Variants in TMEM131 observed in about 807,000 individuals in gnomAD.
The protein encoded by TMEM131 is 2610524E03Rik.
In TMEM131, 66 loss-of-function variants were observed where a neutral mutation model predicts 211.6. The ratio of observed to expected loss-of-function variants is 0.31; its 90% confidence interval spans 0.26 to 0.38. The LOEUF is 0.38. TMEM131 is among the 10% of genes least tolerant of loss of function. The pLI is 1.00. For synonymous variants in TMEM131, 844 were observed against 841.3 expected (o/e 1.00, Z -0.06); for missense variants, 2,036 against 2,299.3 (o/e 0.89, Z 2.34).
At chr2:97,844,453 A>G (rs1179320063) in intron 5 of TMEM131, among the ~76,000 whole-genome samples, 192 bp from the exon 6 acceptor site, 1 of 152,226 alleles carries the variant, frequency 6.6e-6, no homozygotes, top group Non-Finnish European at 1.5e-5. Context: ...ATCTTTGTCA[A>G]TTACCAGCCA....
At chr2:97,971,295 T>C (rs6739810) in intron 1 of TMEM131, among the ~76,000 whole-genome samples, 1,620 of 151,904 alleles carry the variant, frequency 0.011, 35 homozygotes, top group African/African-American at 0.037. Flanking sequence ...GACAGGAAAA[T>C]AGCACACAAG....
chr2:97,782,819 A>C (rs1269649187), intron 31 of TMEM131, among the ~76,000 whole-genome samples: 1 of 152,136 alleles, frequency 6.6e-6, no homozygotes, highest in Non-Finnish European at 1.5e-5. Flanking sequence ...ACAGAGCTTC[A>C]GGGACCCGTG....
chr2:97,948,020 T>C (rs1466375505), intron 1 of TMEM131, among the ~76,000 whole-genome samples: 1 of 152,098 alleles, frequency 6.6e-6, no homozygotes, highest in Non-Finnish European at 1.5e-5. Context: ...GCTCCAAAAT[T>C]TACAAAAATC....
At chr2:97,973,031 A>G (rs541664780) in intron 1 of TMEM131, among the ~76,000 whole-genome samples, 2 of 152,316 alleles carry the variant, frequency 1.3e-5, no homozygotes, top group South Asian at 2.1e-4. Context: ...CTCACTACAT[A>G]CGGACTTCTG....
chr2:97,841,990 T>TA, intron 6 of TMEM131, 53 bp from the exon 7 acceptor site: 1 of 1,439,128 alleles, frequency 6.9e-7, no homozygotes, highest in Non-Finnish European at 9.2e-7. Flanking sequence ...TAATTAATAT[T>TA]TTTAGTTATA....
rs763425770 is a variant in TMEM131, at chr2:97,859,399, C to T, written c.388G>A (p.Val130Ile). ...TCAGAACTAGGATTATGTAAGTAGA[C>T]TTTTTCCATTTTTGGCATTCCAACT... ...QPVGMPKMEK[V>I]YLHNPSSEET... Residue 130 changes from valine to isoleucine, a missense_variant, in exon 5 of 41, where the codon GTC becomes ATC. This residue lies in a region of TMEM131 where 277 missense variants were observed against 378.0 expected (regional missense o/e 0.73). Coordinates refer to ENST00000186436, the MANE Select transcript of TMEM131 (RefSeq NM_015348.2). 1.1e-5 allele frequency: 18 copies of T among 1,589,088 alleles called. No individual in the cohort carries two copies. In the South Asian group the frequency reaches 1.8e-4, roughly 16 times the overall value.
intron 28 of TMEM131, 70 bp downstream of exon 28, chr2:97,796,148 T>C (rs1680750494): frequency 2.1e-6 from 2 of 934,178 alleles, no homozygotes; most frequent in South Asian, 1.8e-5. Flanking sequence ...TTGGTAAATA[T>C]GAAAACATAT....
At chr2:97,846,641 T>C (rs768878704) in intron 5 of TMEM131, among the ~76,000 whole-genome samples, 1 of 152,112 alleles carries the variant, frequency 6.6e-6, no homozygotes, top group African/African-American at 2.4e-5. Flanking sequence ...CAACACAAAT[T>C]TGTAAACTTT....
intron 25 of TMEM131, among the ~76,000 whole-genome samples, chr2:97,800,650 G>A (rs1573380802): frequency 2.0e-5 from 3 of 150,704 alleles, no homozygotes; most frequent in East Asian, 1.9e-4. Flanking sequence ...CCCGCTACTC[G>A]GGAGGCTGAG....
chr2:97,923,865 G>C (rs1275332284), intron 2 of TMEM131, among the ~76,000 whole-genome samples: 1 of 152,012 alleles, frequency 6.6e-6, no homozygotes, highest in African/African-American at 2.4e-5. Context: ...TGGATCACGA[G>C]GTCAGGAGAT....
intron 19 of TMEM131, among the ~76,000 whole-genome samples, chr2:97,808,819 T>C (rs1379613018): frequency 2.0e-5 from 3 of 152,182 alleles, no homozygotes; most frequent in African/African-American, 7.2e-5. Flanking sequence ...CAGTATTGTC[T>C]AGAGGAGTCA....
chr2:97,896,111 T>A (rs1054904999), intron 3 of TMEM131, among the ~76,000 whole-genome samples: 9 of 152,220 alleles, frequency 5.9e-5, no homozygotes, highest in Non-Finnish European at 1.0e-4. Context: ...TCTGCCTTCA[T>A]TTCATTATTT....
At chr2:97,841,782 G>C (rs1683208746) in intron 7 of TMEM131, 33 bp downstream of exon 7, 1 of 1,540,366 alleles carries the variant, frequency 6.5e-7, no homozygotes. Context: ...CCACCAAAAT[G>C]AAGCTTATTC....
chr2:97,822,591 GT>G (rs1682180704), intron 11 of TMEM131, among the ~76,000 whole-genome samples: 1 of 152,172 alleles, frequency 6.6e-6, no homozygotes, highest in Non-Finnish European at 1.5e-5. Flanking sequence ...GGTCCTCTTT[GT>G]GGTATAGGAG....
chr2:97,872,536 C>T (rs764721212), intron 4 of TMEM131, among the ~76,000 whole-genome samples: 9 of 152,128 alleles, frequency 5.9e-5, no homozygotes, highest in African/African-American at 1.9e-4. Context: ...ATGCAGAAGG[C>T]GGGTGACTTC....
chr2:97,970,750 A>T (rs11895170), intron 1 of TMEM131, among the ~76,000 whole-genome samples: 56,690 of 151,838 alleles, frequency 0.37, 11,714 homozygotes, highest in African/African-American at 0.52. Flanking sequence ...GCTGAGTGCT[A>T]TGGCCAACTT....
intron 1 of TMEM131, among the ~76,000 whole-genome samples, chr2:97,957,046 G>A (rs916976495): frequency 4.0e-5 from 6 of 150,334 alleles, no homozygotes; most frequent in Non-Finnish European, 7.4e-5. Flanking sequence ...GCAGTAAGCC[G>A]AGATCGCGCC....
At chr2:97,940,174 C>T (rs1009628690) in intron 1 of TMEM131, among the ~76,000 whole-genome samples, 2 of 152,086 alleles carry the variant, frequency 1.3e-5, no homozygotes, top group Non-Finnish European at 2.9e-5. Context: ...TCTGGCCAAG[C>T]AATCAGGCAG....
chr2:97,823,330 TC>T (rs1336913063), intron 11 of TMEM131, among the ~76,000 whole-genome samples: 2 of 152,148 alleles, frequency 1.3e-5, no homozygotes, highest in Non-Finnish European at 2.9e-5. Flanking sequence ...TGTCCCCTTC[TC>T]CCTCTCTGAT....
Sources: allele counts gnomAD v4.1 joint callset (sites outside exome capture counted in the v4.1 genomes callset), GRCh38; gene constraint gnomAD v4.1.1; regional missense constraint gnomAD v4.1.1; transcripts MANE v1.5; gene names NCBI Gene and HGNC (gene_info 2026-07-23, HGNC 2026-07-21).